AFF3: variants seen among roughly 807,000 people sequenced by gnomAD.
The protein encoded by AFF3 is ALF transcription elongation factor 3.
In AFF3, 32 loss-of-function variants were observed where a neutral mutation model predicts 129.7. The ratio of observed to expected loss-of-function variants is 0.25; its 90% CI spans 0.19 to 0.33. The LOEUF (loss-of-function observed/expected upper bound fraction) is 0.33, where lower values mean the gene tolerates loss of function less well. Among genes scored for constraint, AFF3 ranks in the 10% least tolerant of loss-of-function variants. The pLI is 1.00. For synonymous variants in AFF3, 644 were observed against 635.4 expected (o/e 1.01, Z -0.20); for missense variants, 1,373 against 1,592.0 (o/e 0.86, Z 2.34).
chr2:99,677,098 T>C (rs1430989473), intron 11 of AFF3, among the ~76,000 whole-genome samples: 1 of 151,850 alleles, frequency 6.6e-6, no homozygotes, highest in Non-Finnish European at 1.5e-5. Context: ...CAAAATACTG[T>C]CTCTATAAAA....
At position 99,990,053 on chromosome 2, in the gene AFF3, C is replaced by G. The variant is rs1393184228; in HGVS notation, c.873+16579G>C. 2.0e-5 allele frequency among the ~76,000 whole-genome samples: 3 copies of G among 152,138 alleles called. No homozygotes were observed. In the East Asian group the frequency reaches 5.8e-4, roughly 29 times the overall value. On this transcript the variant is annotated intron_variant, in intron 7 of 24. Coordinates refer to ENST00000672756, the MANE Select transcript of AFF3 (RefSeq NM_001386135.1). ...CAAGAAAAGCTGTATTCTAGATCAA[C>G]AATGATCTTATCAGCTCACGCAGCC...
intron 7 of AFF3, among the ~76,000 whole-genome samples, chr2:99,987,818 G>A (rs1475835828): frequency 6.6e-6 from 1 of 152,176 alleles, no homozygotes; most frequent in East Asian, 1.9e-4. Context: ...CAGAATGTAA[G>A]AAATAAAGTG....
intron 7 of AFF3, among the ~76,000 whole-genome samples, chr2:99,955,650 A>C (rs1247132475): frequency 1.3e-5 from 2 of 152,246 alleles, no homozygotes; most frequent in Admixed American, 1.3e-4. Flanking sequence ...AGAAAAATTT[A>C]ATGTTAATGC....
intron 4 of AFF3, among the ~76,000 whole-genome samples, chr2:100,047,059 T>C (rs1685897453): frequency 6.6e-6 from 1 of 152,208 alleles, no homozygotes; most frequent in South Asian, 2.1e-4. Flanking sequence ...TAACCACATA[T>C]GGCATTTAAA....
intron 8 of AFF3, among the ~76,000 whole-genome samples, chr2:99,831,068 G>T (rs1688485056): frequency 6.6e-6 from 1 of 152,176 alleles, no homozygotes; most frequent in Admixed American, 6.5e-5. Flanking sequence ...ACATCTTTGG[G>T]ATGTGAGAGG....
chr2:99,646,327 C>T (rs931883220), intron 13 of AFF3, among the ~76,000 whole-genome samples: 1 of 152,152 alleles, frequency 6.6e-6, no homozygotes, highest in African/African-American at 2.4e-5. Context: ...ACATGCTCCT[C>T]CATGAGGAAC....
At chr2:100,000,685 C>T (rs534515693) in intron 7 of AFF3, among the ~76,000 whole-genome samples, 1 of 152,272 alleles carries the variant, frequency 6.6e-6, no homozygotes, top group Admixed American at 6.5e-5. Context: ...ACGTCTCATT[C>T]ACTCCCCGCT....
chr2:99,838,868 G>T (rs1280774768), intron 7 of AFF3, among the ~76,000 whole-genome samples: 1 of 152,226 alleles, frequency 6.6e-6, no homozygotes, highest in Non-Finnish European at 1.5e-5. Context: ...CACTCTCCAT[G>T]CCCTGTGTCT....
At chr2:100,027,060 T>C (rs111829821) in intron 4 of AFF3, among the ~76,000 whole-genome samples, 122 of 152,092 alleles carry the variant, frequency 8.0e-4, no homozygotes, top group Middle Eastern at 6.8e-3. Flanking sequence ...ACACCACCTG[T>C]ACCCCAATAA....
chr2:99,814,368 A>T (rs1177531226), intron 8 of AFF3, among the ~76,000 whole-genome samples: 5 of 152,162 alleles, frequency 3.3e-5, no homozygotes, highest in Non-Finnish European at 5.9e-5. Flanking sequence ...ACAGAAGGGT[A>T]TACTGGATGT....
intron 7 of AFF3, among the ~76,000 whole-genome samples, chr2:99,838,309 C>T (rs564354560): frequency 6.6e-5 from 10 of 152,204 alleles, no homozygotes; most frequent in Non-Finnish European, 1.2e-4. Context: ...CACTTCTCTT[C>T]GTCCTGCAAT....
chr2:99,596,131 G>A (rs906336877), intron 14 of AFF3, among the ~76,000 whole-genome samples: 5 of 152,202 alleles, frequency 3.3e-5, no homozygotes, highest in Non-Finnish European at 7.3e-5. Flanking sequence ...GGCCACCAAC[G>A]GAACCGGGGC....
intron 18 of AFF3, among the ~76,000 whole-genome samples, chr2:99,576,433 G>T (rs1199026203): frequency 6.7e-6 from 1 of 149,282 alleles, no homozygotes; most frequent in African/African-American, 2.5e-5. Context: ...AGAAGATAGC[G>T]TAAGCCCAGG....
chr2:99,700,712 G>A (rs530075968), intron 11 of AFF3, among the ~76,000 whole-genome samples: 1 of 152,332 alleles, frequency 6.6e-6, no homozygotes, highest in South Asian at 2.1e-4. Context: ...ACTAGGAGCT[G>A]GGAAGTTCCA....
chr2:99,606,867 T>C (rs988734701), intron 13 of AFF3, among the ~76,000 whole-genome samples: 17 of 141,310 alleles, frequency 1.2e-4, no homozygotes, highest in African/African-American at 4.5e-4. Flanking sequence ...TGAGCTGAGA[T>C]TGCGCCACTG....
chr2:99,794,152 GT>G, intron 8 of AFF3, among the ~76,000 whole-genome samples: 1 of 152,246 alleles, frequency 6.6e-6, no homozygotes, highest in South Asian at 2.1e-4. Flanking sequence ...ATTGAGATTG[GT>G]TTTATACCCA....
intron 8 of AFF3, among the ~76,000 whole-genome samples, chr2:99,786,546 T>A (rs1234359159): frequency 2.0e-5 from 3 of 152,210 alleles, no homozygotes; most frequent in African/African-American, 7.2e-5. Context: ...AATGCAAGTA[T>A]GACAGCGCAA....
In AFF3 at chr2:100,124,272, G is replaced by T. The variant is rs561112511; in HGVS notation, c.-145+4952C>A. Among the ~76,000 whole-genome samples, 6 of 152,266 alleles carry T rather than the reference G, an allele frequency of 3.9e-5. No individual in the cohort carries two copies. In the East Asian group the frequency reaches 1.2e-3, roughly 29 times the overall value. Reference sequence around the variant, plus strand: ...ACTTGAAGAAAAAATTTCCAAAGCTGAAGGACAAAATTCTTCAGACTTAAA... The same window carrying T: ...ACTTGAAGAAAAAATTTCCAAAGCTTAAGGACAAAATTCTTCAGACTTAAA... On this transcript the variant is annotated intron_variant, in intron 2 of 24. Coordinates refer to ENST00000672756, the MANE Select transcript of AFF3 (RefSeq NM_001386135.1).
chr2:99,897,218 T>C (rs1694038596), intron 7 of AFF3, among the ~76,000 whole-genome samples: 1 of 152,192 alleles, frequency 6.6e-6, no homozygotes, highest in Admixed American at 6.5e-5. Context: ...AAGACCAATA[T>C]TTAAACTGAA....
Sources: gnomAD v4.1 joint callset for allele counts (sites outside exome capture counted in the v4.1 genomes callset) on GRCh38, gnomAD v4.1.1 for gene constraint, MANE v1.5 for transcripts, NCBI Gene and HGNC (gene_info 2026-07-23, HGNC 2026-07-21) for gene names.